The following ACTR3B variants were observed in gnomAD, a reference collection of about 807,000 sequenced individuals.
ACTR3B encodes the protein actin related protein 3B, also known as actin-related protein 3B.
In ACTR3B, 8 loss-of-function variants were observed where a neutral mutation model predicts 59.0. The observed-to-expected ratio is 0.14, with a 90% CI of 0.08 to 0.24. The LOEUF is 0.24. Ranked by LOEUF, ACTR3B falls within the 10% of genes least tolerant of loss-of-function variation. The probability of loss-of-function intolerance (pLI) is 1.00; values close to 1 mark genes in which losing one functional copy is unlikely to be tolerated. For synonymous variants in ACTR3B, 148 were observed against 197.9 expected (o/e 0.75, Z 2.12); for missense variants, 245 against 552.3 (o/e 0.44, Z 5.58).
At chr7:152,835,055 G>GTT (rs202099282) in intron 9 of ACTR3B, among the ~76,000 whole-genome samples, 2 of 147,100 alleles carry the variant, frequency 1.4e-5, no homozygotes, top group African/African-American at 5.0e-5. Flanking sequence ...TGAATTAAGT[G>GTT]TTTTTTTTTT....
intron 2 of ACTR3B, among the ~76,000 whole-genome samples, chr7:152,797,341 G>T (rs1484842461): frequency 6.6e-6 from 1 of 152,104 alleles, no homozygotes; most frequent in Admixed American, 6.6e-5. Flanking sequence ...TTAGCCTCCT[G>T]AGTCTCTGGG....
chr7:152,785,995 G>T (rs1233837120), intron 2 of ACTR3B, among the ~76,000 whole-genome samples: 1 of 4,230 alleles, frequency 2.4e-4, no homozygotes, highest in South Asian at 4.1e-3. Flanking sequence ...GTTTGTTGGA[G>T]CTTCTGTGCA....
At chr7:152,850,511 C>G (rs1455920002) in intron 9 of ACTR3B, among the ~76,000 whole-genome samples, 1 of 152,264 alleles carries the variant, frequency 6.6e-6, no homozygotes, top group African/African-American at 2.4e-5. Context: ...GTGGCTTCCC[C>G]AAATGGAAGG....
chr7:152,845,262 TG>T (rs1243036844), intron 9 of ACTR3B, among the ~76,000 whole-genome samples: 7 of 152,156 alleles, frequency 4.6e-5, no homozygotes, highest in African/African-American at 1.4e-4. Context: ...GCCCTTTTTC[TG>T]TCTCTCCTGT....
chr7:152,818,322 C>T (rs1245112527), intron 6 of ACTR3B, among the ~76,000 whole-genome samples: 1 of 152,154 alleles, frequency 6.6e-6, no homozygotes, highest in Non-Finnish European at 1.5e-5. Context: ...TCAGTTTTTC[C>T]TCCAGCTGTA....
chr7:152,772,532 A>G (rs556975342), intron 1 of ACTR3B, among the ~76,000 whole-genome samples: 4,540 of 151,564 alleles, frequency 0.03, 111 homozygotes, highest in African/African-American at 0.1. Flanking sequence ...CTCAAAAGGA[A>G]AAAACAAGAG....
intron 9 of ACTR3B, among the ~76,000 whole-genome samples, chr7:152,836,743 C>G (rs1295966468): frequency 6.6e-6 from 1 of 152,158 alleles, no homozygotes; most frequent in African/African-American, 2.4e-5. Flanking sequence ...TTCTTTCAGA[C>G]TGCTGTGTGG....
intron 11 of ACTR3B, among the ~76,000 whole-genome samples, chr7:152,853,926 G>A (rs1799051342): frequency 6.6e-6 from 1 of 151,924 alleles, no homozygotes; most frequent in African/African-American, 2.4e-5. Context: ...GTTTTGCTGT[G>A]TTGGCCAGGC....
At chr7:152,809,699 C>A (rs12703210) in intron 4 of ACTR3B, among the ~76,000 whole-genome samples, 14 of 152,022 alleles carry the variant, frequency 9.2e-5, no homozygotes, top group African/African-American at 3.4e-4. Context: ...TGTGCCACCA[C>A]GCCTGGCTAA....
chr7:152,780,844 ATTT>A (rs142260998), intron 1 of ACTR3B, among the ~76,000 whole-genome samples: 119 of 132,846 alleles, frequency 9.0e-4, no homozygotes, highest in Non-Finnish European at 1.1e-3. Flanking sequence ...AACTTTTCAG[ATTT>A]TTTTTTTTTT....
intron 1 of ACTR3B, among the ~76,000 whole-genome samples, chr7:152,772,940 T>C (rs756632751): frequency 4.7e-5 from 7 of 149,362 alleles, no homozygotes; most frequent in Non-Finnish European, 7.5e-5. Context: ...GATACCACTG[T>C]GCTAATTGTC....
chr7:152,765,374 C>T (rs1221781602), intron 1 of ACTR3B, among the ~76,000 whole-genome samples: 2 of 151,174 alleles, frequency 1.3e-5, no homozygotes, highest in African/African-American at 2.4e-5. Context: ...GCCTGGGCCT[C>T]CCAAAGTGCT....
At chr7:152,779,332 T>G (rs2116589667) in intron 1 of ACTR3B, among the ~76,000 whole-genome samples, 2 of 152,208 alleles carry the variant, frequency 1.3e-5, no homozygotes, top group Non-Finnish European at 2.9e-5. Context: ...TATTCTTCCT[T>G]GATGCCTACC....
intron 3 of ACTR3B, 120 bp from the exon 4 acceptor site, chr7:152,801,501 A>T (rs397839678): frequency 2.3e-6 from 3 of 1,310,544 alleles, no homozygotes; most frequent in East Asian, 5.0e-5. Context: ...GAATTAACAA[A>T]AACTGCAATA....
chr7:152,776,867 A>G (rs1197727932), intron 1 of ACTR3B, among the ~76,000 whole-genome samples: 2 of 152,200 alleles, frequency 1.3e-5, no homozygotes, highest in Non-Finnish European at 2.9e-5. Context: ...GCTATATTAT[A>G]CATCCGTTTA....
At chr7:152,767,985 C>A (rs1471447914) in intron 1 of ACTR3B, among the ~76,000 whole-genome samples, 1 of 152,314 alleles carries the variant, frequency 6.6e-6, no homozygotes, top group African/African-American at 2.4e-5. Context: ...CTTTGCGAGG[C>A]CGAAGCAGGC....
intron 1 of ACTR3B, among the ~76,000 whole-genome samples, chr7:152,776,357 A>G (rs2098136245): frequency 6.6e-6 from 1 of 151,942 alleles, no homozygotes; most frequent in African/African-American, 2.4e-5. Flanking sequence ...AATAAAGGAA[A>G]TTATTCAGGA....
intron 10 of ACTR3B, among the ~76,000 whole-genome samples, chr7:152,852,782 G>A (rs566135299): frequency 2.0e-4 from 30 of 152,148 alleles, no homozygotes; most frequent in African/African-American, 7.2e-4. Context: ...GAAGAGCACA[G>A]TTTCTTTTCT....
At chr7:152,830,602 G>A (rs1796947746) in intron 9 of ACTR3B, among the ~76,000 whole-genome samples, 1 of 152,190 alleles carries the variant, frequency 6.6e-6, no homozygotes, top group Non-Finnish European at 1.5e-5. Flanking sequence ...ACGCTGAAGT[G>A]CGGTGGTGTG....
Sources: gnomAD v4.1 joint callset for allele counts (sites outside exome capture counted in the v4.1 genomes callset) on GRCh38, gnomAD v4.1.1 for gene constraint, MANE v1.5 for transcripts, NCBI Gene and HGNC (gene_info 2026-07-23, HGNC 2026-07-21) for gene names.